IRX5: variants seen among roughly 807,000 people sequenced by gnomAD.
IRX5 encodes iroquois-class homeodomain protein IRX-5.
In IRX5, 8 loss-of-function variants were observed where a neutral mutation model predicts 37.6. That is an observed-to-expected ratio of 0.21 (90% CI 0.12 to 0.38). The LOEUF is 0.38. IRX5 is among the 10% of genes least tolerant of loss of function. The pLI is 1.00. For missense variants in IRX5, 635 were observed against 695.2 expected (o/e 0.91, Z 0.97); for synonymous variants, 359 against 328.6 (o/e 1.09, Z -1.00).
Position 54,932,234 on chromosome 16 carries a change from GGGC to G in IRX5, c.250-263_250-261del. 1 of 689,154 alleles carries G rather than the reference GGGC, an allele frequency of 1.5e-6. No homozygotes were observed. Among genetic ancestry groups the G allele is most frequent in the Non-Finnish European group, 2.7e-6 (1 of 377,040 alleles). The allele number at this position is 689,154 out of a possible 1,614,324, so 42.7% of individuals were successfully genotyped here. On this transcript the variant is annotated intron_variant, in intron 1 of 2. Transcript: ENST00000394636. The surrounding 1 kb of genome is among the most constrained non-coding windows in gnomAD (Gnocchi z 6.7). ...GGTACGGACGTGCCCGGGCAGATGG[GGGC>G]CTACGGGGTGACACCGAGGCCGGGA...
At position 54,932,186 on chromosome 16, in the gene IRX5, G is replaced by T. The variant is rs1269853950; in HGVS notation, c.250-312G>T. On this transcript the variant is annotated intron_variant, in intron 1 of 2. Coordinates refer to ENST00000394636, the MANE Select transcript of IRX5 (RefSeq NM_005853.6). The surrounding 1 kb of genome is among the most constrained non-coding windows in gnomAD (Gnocchi z 6.7). The stretch of plus-strand genomic sequence containing the variant: ...CTCTATCTGCATGGAGGGCCGGGCC[G>T]CCGTGGCCAGATCTGCGCACGGGGT... The T allele has an allele frequency of 1.4e-6, 1 of 702,798 alleles. No homozygotes were observed. Among genetic ancestry groups the T allele is most frequent in the South Asian group, 1.5e-5 (1 of 67,578 alleles). 43.5% of individuals were successfully genotyped at this position (702,798 alleles called of 1,614,324 possible). A position where few individuals can be genotyped will look rare whatever the true frequency, so the allele number is the denominator to read the frequency against.
Position 54,931,357 on chromosome 16 carries a change from C to G in IRX5, c.159C>G (p.Ala53=). 1 of 1,607,864 alleles carries G rather than the reference C, an allele frequency of 6.2e-7. No individual in the cohort carries two copies. The highest frequency in any genetic ancestry group is 8.5e-7 in the Non-Finnish European group (1 of 1,179,532). ...SAFSPYAGST[A]FTAPSPGYNS... is the part of the protein sequence containing the mutation. ...TCTCGCCCTACGCTGGCTCGACTGC[C>G]TTCACGGCGCCCTCGCCGGGCTACA... Residue 53 remains alanine, a synonymous_variant, in exon 1 of 3, where the codon GCC becomes GCG. Transcript: ENST00000394636.
In IRX5 at chr16:54,933,027, G is replaced by C. The variant is rs907631248; in HGVS notation, c.656-50G>C. ...CCCTGCCTTTGCGGGCGGGAACCGG[G>C]TCCCGCCGCGCGGCCTCTGCGCCCC... On this transcript the variant is annotated intron_variant, in intron 2 of 2. Coordinates refer to ENST00000394636, the MANE Select transcript of IRX5 (RefSeq NM_005853.6). 18 of 1,604,072 alleles carry C rather than the reference G, an allele frequency of 1.1e-5. No individual in the cohort carries two copies. The African/African-American group carries it at 2.1e-4, about 19-fold the overall frequency.
At position 54,932,965 on chromosome 16, in the gene IRX5, G is replaced by A; in HGVS notation, c.655+62G>A. On this transcript the variant is annotated intron_variant, in intron 2 of 2. Coordinates refer to ENST00000394636, the MANE Select transcript of IRX5 (RefSeq NM_005853.6). The surrounding 1 kb of genome is among the most constrained non-coding windows in gnomAD (Gnocchi z 6.7). ...TAAAAAGGAAAAGAGAGGCCTGGAG[G>A]GGGCGCGCACGGGGCCTGGAGGTTG... 1 of 1,585,904 alleles carries A rather than the reference G, an allele frequency of 6.3e-7. No homozygotes were observed. Among genetic ancestry groups the A allele is most frequent in the Non-Finnish European group, 8.6e-7 (1 of 1,168,902 alleles).
At position 54,933,189 on chromosome 16, in the gene IRX5, C is replaced by T. The variant is rs1398466821; in HGVS notation, c.768C>T (p.Pro256=). Residue 256 remains proline, a synonymous_variant, in exon 3 of 3, where the codon CCC becomes CCT. Transcript: ENST00000394636. ...SLSDSDFKEP[P]SEGRLDALQG... ...GCGACTCGGATTTTAAGGAGCCGCCCTCGGAGGGCCGCCTCGACGCGCTGC... is the reference window on the plus strand; with the variant it reads ...GCGACTCGGATTTTAAGGAGCCGCCTTCGGAGGGCCGCCTCGACGCGCTGC... The T allele has an allele frequency of 1.9e-6, 3 of 1,545,240 alleles. No homozygotes were observed. Among genetic ancestry groups the T allele is most frequent in the Non-Finnish European group, 2.6e-6 (3 of 1,153,342 alleles).
At position 54,932,731 on chromosome 16, in the gene IRX5, C is replaced by T; in HGVS notation, c.483C>T (p.Ser161=). ...CCAAGATGACCCTCACCCAGGTGTC[C>T]ACCTGGTTCGCCAACGCGCGCCGGC... ...IITKMTLTQV[S]TWFANARRRL... The change falls in exon 2 of 3, where the codon TCC becomes TCT. Residue 161 remains serine, a synonymous_variant. Coordinates refer to ENST00000394636, the MANE Select transcript of IRX5 (RefSeq NM_005853.6). This position sits in a 1 kb window ranked among gnomAD's most constrained non-coding sequence, Gnocchi z 6.7. 1 of 1,614,026 alleles carries T rather than the reference C, an allele frequency of 6.2e-7. No individual in the cohort carries two copies.
In IRX5 at chr16:54,933,201, C is replaced by A; in HGVS notation, c.780C>A (p.Arg260=). 1 of 1,536,046 alleles carries A rather than the reference C, an allele frequency of 6.5e-7. No individual in the cohort carries two copies. Among genetic ancestry groups the A allele is most frequent in the Non-Finnish European group, 8.7e-7 (1 of 1,148,244 alleles). Residue 260 remains arginine (R), a synonymous_variant, in exon 3 of 3, where the codon CGC becomes CGA. Transcript: ENST00000394636. ...SDFKEPPSEG[R]LDALQGPPRT... Reference sequence around the variant, plus strand: ...TTAAGGAGCCGCCCTCGGAGGGCCGCCTCGACGCGCTGCAGGGCCCCCCCC... The same window carrying A: ...TTAAGGAGCCGCCCTCGGAGGGCCGACTCGACGCGCTGCAGGGCCCCCCCC...
chr16:54,932,664 C>T lies in IRX5; in HGVS notation c.416C>T (p.Pro139Leu). ...KAWLNEHRKN[P>L]YPTKGEKIML... ...TGGCTCAACGAGCACCGCAAGAACC[C>T]CTACCCCACCAAGGGCGAGAAGATC... is the stretch of plus-strand genomic sequence containing the variant. The change falls in exon 2 of 3, where the codon CCC (proline) becomes CTC (leucine). Residue 139 changes from proline (P) to leucine (L), a missense_variant. Physicochemically the swap from Pro to Leu is moderately conservative, Grantham distance 98 (BLOSUM62 -3). Coordinates refer to ENST00000394636, the MANE Select transcript of IRX5 (RefSeq NM_005853.6). The surrounding 1 kb of genome is among the most constrained non-coding windows in gnomAD (Gnocchi z 6.7). 1 of 1,614,026 alleles carries T rather than the reference C, an allele frequency of 6.2e-7. No homozygotes were observed. The highest frequency in any genetic ancestry group is 8.5e-7 in the Non-Finnish European group (1 of 1,180,024).
Position 54,931,262 on chromosome 16 carries a change from G to A in IRX5, c.64G>A (p.Ala22Thr). 1 of 1,612,476 alleles carries A rather than the reference G, an allele frequency of 6.2e-7. No homozygotes were observed. Among genetic ancestry groups the A allele is most frequent in the Non-Finnish European group, 8.5e-7 (1 of 1,179,550 alleles). ...SASLALYSCP[A>T]YSTSVISGPR... ...CTCGCTGGCGCTCTACTCGTGCCCG[G>A]CGTACAGCACCAGCGTCATTTCGGG... Residue 22 changes from alanine to threonine, a missense_variant, in exon 1 of 3, where the codon GCG (alanine) becomes ACG (threonine). This residue lies in a region of IRX5 where 145 missense variants were observed against 152.4 expected (regional missense o/e 0.95). Coordinates refer to ENST00000394636, the MANE Select transcript of IRX5 (RefSeq NM_005853.6).
At chr16:54,931,804 G>C (rs1193985701) in intron 1 of IRX5, among the ~76,000 whole-genome samples, 1 of 152,212 alleles carries the variant, frequency 6.6e-6, no homozygotes, top group Admixed American at 6.5e-5. Context: ...AAATAGACTC[G>C]AAATTTGAGC....
rs1420165862 is a variant in IRX5 at position 54,933,665 on chromosome 16, A to G, written c.1244A>G (p.Tyr415Cys). The change falls in exon 3 of 3, where the codon TAT (tyrosine) becomes TGT (cysteine). Residue 415 changes from tyrosine (Y) to cysteine (C), a missense_variant. Physicochemically the swap from Tyr to Cys is radical, Grantham distance 194. Transcript: ENST00000394636. ...CCCTTCTATCCCGGCTACACGAACT[A>G]TGGCTCCTTCGGACACCTTCATGGC... Reference protein sequence around the residue: ...TAPFYPGYTNYGSFGHLHGHP... With the variant: ...TAPFYPGYTNCGSFGHLHGHP... 2 of 1,612,992 alleles carry G rather than the reference A, an allele frequency of 1.2e-6. No individual in the cohort carries two copies. Among genetic ancestry groups the G allele is most frequent in the Admixed American group, 1.7e-5 (1 of 59,970 alleles).
Position 54,931,434 on chromosome 16 carries a change from TCTC to T in IRX5, c.240_242del (p.Ser81del), listed in dbSNP as rs776389982. ...CCCGCGGCCGCCGCCGCCGCCGCCTTCTCCTCGTACGTGGTAAGTGAGCGGGAT... is the reference window on the plus strand; with the variant it reads ...CCCGCGGCCGCCGCCGCCGCCGCCTTCTCGTACGTGGTAAGTGAGCGGGAT... On this transcript the variant is annotated inframe_deletion, in exon 1 of 3. Transcript: ENST00000394636. 1.6e-4 allele frequency: 251 copies of T among 1,587,832 alleles called. 1 individual carries two copies. The Middle Eastern group carries it at 2.2e-3, about 14-fold the overall frequency.
Position 54,934,471 on chromosome 16 carries a change from T to C in IRX5, c.*598T>C, listed in dbSNP as rs943985762. ...TTTAGAAGCCTCAATAAACTGTCCA[T>C]TGCCTTGGTCAAAAGGTGCAAACTG... On this transcript the variant is annotated 3_prime_UTR_variant, in exon 3 of 3. Transcript: ENST00000394636. 1 of 152,652 alleles carries C rather than the reference T, an allele frequency of 6.6e-6. No individual in the cohort carries two copies. Among genetic ancestry groups the C allele is most frequent in the Non-Finnish European group, 1.5e-5 (1 of 68,050 alleles). 9.5% of individuals were successfully genotyped at this position (152,652 alleles called of 1,614,324 possible).
Position 54,932,099 on chromosome 16 carries a change from C to A in IRX5, c.250-399C>A. 1 of 702,818 alleles carries A rather than the reference C, an allele frequency of 1.4e-6. No homozygotes were observed. The highest frequency in any genetic ancestry group is 1.5e-5 in the South Asian group (1 of 67,604). The allele number at this position is 702,818 out of a possible 1,614,324, so 43.5% of individuals were successfully genotyped here. The stretch of plus-strand genomic sequence containing the variant: ...GAGCCTTGACTTCCCTTGTTTTCCC[C>A]CCTTGCGCCCAACGTGCGTCCGCTC... On this transcript the variant is annotated intron_variant, in intron 1 of 2. Transcript: ENST00000394636. The surrounding 1 kb of genome is among the most constrained non-coding windows in gnomAD (Gnocchi z 6.7).
chr16:54,931,089 G>A lies in IRX5; in HGVS notation c.-110G>A, dbSNP rs1270070651. The A allele has an allele frequency of 1.2e-6, 1 of 809,680 alleles. No homozygotes were observed. The highest frequency in any genetic ancestry group is 1.9e-5 in the African/African-American group (1 of 53,940). The allele number at this position is 809,680 out of a possible 1,614,324, so 50.2% of individuals were successfully genotyped here. ...GAGCCCCGGAGCCGGGGCCAGAGGAGCGGCGGCCCAGGGCAGCCAGAGGCC... is the reference window on the plus strand; with the variant it reads ...GAGCCCCGGAGCCGGGGCCAGAGGAACGGCGGCCCAGGGCAGCCAGAGGCC... On this transcript the variant is annotated 5_prime_UTR_variant, in exon 1 of 3. Transcript: ENST00000394636.
In IRX5 at chr16:54,933,351, T is replaced by C; in HGVS notation, c.930T>C (p.Gly310=). The C allele has an allele frequency of 6.7e-7, 1 of 1,494,756 alleles. No homozygotes were observed. The allele number at this position is 1,494,756 out of a possible 1,614,324, so 92.6% of individuals were successfully genotyped here. ...PHPAAGEVPP[G]PGGPSVIHSP... is the part of the protein sequence containing the mutation. ...CAGCCGCGGGCGAGGTGCCTCCGGG[T>C]CCCGGCGGGCCCTCGGTTATCCATT... Residue 310 remains glycine, a synonymous_variant, in exon 3 of 3, where the codon GGT becomes GGC. Transcript: ENST00000394636.
rs1424113880 is a variant in IRX5, at chr16:54,933,882, G to C, written c.*9G>C. 6.3e-7 allele frequency: 1 copy of C among 1,577,014 alleles called. No individual in the cohort carries two copies. Among genetic ancestry groups the C allele is most frequent in the Non-Finnish European group, 8.7e-7 (1 of 1,154,362 alleles). On this transcript the variant is annotated 3_prime_UTR_variant, in exon 3 of 3. Transcript: ENST00000394636. Reference sequence around the variant, plus strand: ...GTATGTCCGACATTTAACGCGGGCTGCGTCGGTCCCGGACTTTTCTAATTT... The same window carrying C: ...GTATGTCCGACATTTAACGCGGGCTCCGTCGGTCCCGGACTTTTCTAATTT...
At position 54,932,532 on chromosome 16, in the gene IRX5, G is replaced by A; in HGVS notation, c.284G>A (p.Gly95Asp). 6.2e-7 allele frequency: 1 copy of A among 1,613,284 alleles called. No individual in the cohort carries two copies. Among genetic ancestry groups the A allele is most frequent in the Non-Finnish European group, 8.5e-7 (1 of 1,179,576 alleles). Residue 95 changes from glycine (G) to aspartate (D), a missense_variant, in exon 2 of 3, where the codon GGC (glycine) becomes GAC (aspartate). Around this residue, in one of 5 missense-constraint regions of IRX5, gnomAD observed 145 missense variants for 152.4 expected, o/e 0.95. Coordinates refer to ENST00000394636, the MANE Select transcript of IRX5 (RefSeq NM_005853.6). This position sits in a 1 kb window ranked among gnomAD's most constrained non-coding sequence, Gnocchi z 6.7. ...TACGACCACACACCCGGCATGGCGGGCTCCTTGGGGTACCATCCTTACGCG... is the reference window on the plus strand; with the variant it reads ...TACGACCACACACCCGGCATGGCGGACTCCTTGGGGTACCATCCTTACGCG... Reference protein sequence around the residue: ...SPYDHTPGMAGSLGYHPYAAP... With the variant: ...SPYDHTPGMADSLGYHPYAAP...
chr16:54,931,001 G>T lies in IRX5; in HGVS notation c.-198G>T. 1.2e-5 allele frequency: 2 copies of T among 164,638 alleles called. No individual in the cohort carries two copies. The highest frequency in any genetic ancestry group is 3.7e-4 in the South Asian group (2 of 5,444). 10.2% of individuals were successfully genotyped at this position (164,638 alleles called of 1,614,324 possible). On this transcript the variant is annotated 5_prime_UTR_variant, in exon 1 of 3. Coordinates refer to ENST00000394636, the MANE Select transcript of IRX5 (RefSeq NM_005853.6). The stretch of plus-strand genomic sequence containing the variant: ...GCTGGGGCGAGCGAGGCGCGCAGAG[G>T]AGCGGGCGCGGCGGTCGCAGCCGGA...
Sources: gnomAD v4.1 joint callset for allele counts (sites outside exome capture counted in the v4.1 genomes callset) on GRCh38, gnomAD v4.1.1 for gene constraint, gnomAD v4.1.1 regional missense constraint, Gnocchi (gnomAD v3.1) non-coding constraint, MANE v1.5 for transcripts, NCBI Gene and HGNC (gene_info 2026-07-23, HGNC 2026-07-21) for gene names.